The following ARL14EPL variants were observed in gnomAD, a reference collection of about 807,000 sequenced individuals.
ARL14EPL encodes ARL14 effector protein-like.
Under a neutral mutation model 15.9 loss-of-function variants are expected in ARL14EPL, and 17 were observed. That is an observed-to-expected ratio of 1.07 (90% confidence interval 0.73 to 1.60). The LOEUF is 1.60. Among genes scored for constraint, ARL14EPL ranks in the 40% most tolerant of loss-of-function variants. The pLI, the probability that ARL14EPL is intolerant of heterozygous loss-of-function variation, is 0.00. For missense variants in ARL14EPL, 214 were observed against 185.9 expected (o/e 1.15, Z -0.88); for synonymous variants, 78 against 63.8 (o/e 1.22, Z -1.06).
intron 1 of ARL14EPL, among the ~76,000 whole-genome samples, chr5:116,046,031 G>T (rs534857714): frequency 6.6e-6 from 1 of 152,102 alleles, no homozygotes; most frequent in African/African-American, 2.4e-5. Flanking sequence ...CTGCACAGGC[G>T]TCCTTTCTCT....
chr5:116,043,734 TA>T (rs1217791192), intron 1 of ARL14EPL, among the ~76,000 whole-genome samples: 1 of 152,176 alleles, frequency 6.6e-6, no homozygotes, highest in Non-Finnish European at 1.5e-5. Context: ...ACTTTAATTT[TA>T]AAAAAACCTC....
intron 1 of ARL14EPL, among the ~76,000 whole-genome samples, chr5:116,036,108 A>G (rs1267342862): frequency 6.6e-6 from 1 of 152,198 alleles, no homozygotes; most frequent in Non-Finnish European, 1.5e-5. Flanking sequence ...ACAATGGCTT[A>G]CTCACCAACT....
intron 3 of ARL14EPL, among the ~76,000 whole-genome samples, chr5:116,058,333 T>C (rs148652364): frequency 1.3e-5 from 2 of 152,328 alleles, no homozygotes; most frequent in African/African-American, 4.8e-5. Flanking sequence ...GAAAAATCTA[T>C]CAAGAATGGT....
At chr5:116,040,979 CAA>C (rs56060606) in intron 1 of ARL14EPL, among the ~76,000 whole-genome samples, 1 of 66,182 alleles carries the variant, frequency 1.5e-5, no homozygotes, top group Non-Finnish European at 2.8e-5. Context: ...GATTCCCTCT[CAA>C]AAAAAAAAAA....
At chr5:116,046,448 TGAGTCATTTTGCCTG>T (rs575308561) in intron 1 of ARL14EPL, among the ~76,000 whole-genome samples, 97 of 152,316 alleles carry the variant, frequency 6.4e-4, no homozygotes, top group African/African-American at 2.3e-3. Flanking sequence ...GATAAACGTA[TGAGTCATTTTGCCTG>T]GAGTGTCGCT....
chr5:116,052,406 A>G lies in ARL14EPL; in HGVS notation c.96+845A>G, dbSNP rs17138730. 6,033 of 660,652 alleles carry G rather than the reference A, an allele frequency of 9.1e-3. 169 individuals are homozygous for G. The highest frequency in any genetic ancestry group is 0.074 in the African/African-American group (4,082 of 55,194). The allele number at this position is 660,652 out of a possible 1,614,324, so 40.9% of individuals were successfully genotyped here. On this transcript the variant is annotated intron_variant, in intron 2 of 3. Coordinates refer to ENST00000686077, the MANE Select transcript of ARL14EPL (RefSeq NM_001195581.2). ...TATTATTATGTCACGTTATGGCTCT[A>G]AAACTGTATGTATTAACTCATCTAA... is the stretch of plus-strand genomic sequence containing the variant.
chr5:116,052,127 G>A (rs1749396616), intron 2 of ARL14EPL: 8 of 1,611,960 alleles, frequency 5.0e-6, no homozygotes, highest in African/African-American at 1.3e-5. Flanking sequence ...TTTGTCATAG[G>A]TAGCTTTGTC....
intron 1 of ARL14EPL, among the ~76,000 whole-genome samples, chr5:116,043,034 A>G (rs1343792115): frequency 6.6e-6 from 1 of 151,372 alleles, no homozygotes; most frequent in Non-Finnish European, 1.5e-5. Context: ...TTTTTCAACC[A>G]CTCTCCTGTG....
intron 3 of ARL14EPL, among the ~76,000 whole-genome samples, chr5:116,055,473 T>C (rs574797184): frequency 4.7e-4 from 71 of 152,208 alleles, no homozygotes; most frequent in African/African-American, 1.6e-3. Context: ...GGAATACATA[T>C]AGAAGTGAAA....
At chr5:116,054,533 T>C (rs985494391) in intron 3 of ARL14EPL, among the ~76,000 whole-genome samples, 3 of 152,112 alleles carry the variant, frequency 2.0e-5, no homozygotes, top group Admixed American at 1.3e-4. Context: ...GCATCGTAAG[T>C]ATAAACTAAG....
chr5:116,052,049 C>T (rs111565709), intron 2 of ARL14EPL: 18,922 of 1,612,622 alleles, frequency 0.012, 140 homozygotes, highest in Non-Finnish European at 0.014. Context: ...CAGGGAGCCT[C>T]GAATCTTCAG....
chr5:116,040,321 T>G (rs1266552348), intron 1 of ARL14EPL, among the ~76,000 whole-genome samples: 3 of 151,702 alleles, frequency 2.0e-5, no homozygotes, highest in African/African-American at 7.3e-5. Flanking sequence ...ATAATAGAAA[T>G]TATAGAATTT....
chr5:116,049,490 C>A (rs1326765181), intron 1 of ARL14EPL, among the ~76,000 whole-genome samples: 4 of 152,062 alleles, frequency 2.6e-5, no homozygotes, highest in African/African-American at 7.2e-5. Context: ...ATTATTTTTT[C>A]TTTCCAACTT....
At chr5:116,050,027 G>T (rs952893941) in intron 1 of ARL14EPL, among the ~76,000 whole-genome samples, 5 of 152,122 alleles carry the variant, frequency 3.3e-5, no homozygotes, top group African/African-American at 1.2e-4. Flanking sequence ...ATCTGCTTAT[G>T]AATTCTATTT....
At chr5:116,047,934 A>G (rs1316376239) in intron 1 of ARL14EPL, among the ~76,000 whole-genome samples, 1 of 152,192 alleles carries the variant, frequency 6.6e-6, no homozygotes, top group Non-Finnish European at 1.5e-5. Context: ...GGCAGAAGAC[A>G]GAGAGAAAGT....
Position 116,054,074 on chromosome 5 carries a change from G to A in ARL14EPL, c.157G>A (p.Asp53Asn), listed in dbSNP as rs1268754002. ...AFRNPGPQVA[D>N]FNPETRQQKK... The stretch of plus-strand genomic sequence containing the variant: ...TCGAAACCCTGGACCACAGGTAGCA[G>A]ACTTTAATCCTGAAACAAGGCAGCA... Residue 53 changes from aspartate (D) to asparagine (N), a missense_variant, in exon 3 of 4, where the codon GAC becomes AAC. Physicochemically the swap from Asp to Asn is conservative, Grantham distance 23. Transcript: ENST00000686077. 13 of 1,535,798 alleles carry A rather than the reference G, an allele frequency of 8.5e-6. No individual in the cohort carries two copies. Among genetic ancestry groups the A allele is most frequent in the Non-Finnish European group, 1.0e-5 (12 of 1,146,734 alleles).
At chr5:116,043,975 T>C (rs1580412750) in intron 1 of ARL14EPL, among the ~76,000 whole-genome samples, 1 of 152,188 alleles carries the variant, frequency 6.6e-6, no homozygotes, top group Non-Finnish European at 1.5e-5. Context: ...TGTGGAAAAG[T>C]CTGGTAGGAT....
intron 3 of ARL14EPL, among the ~76,000 whole-genome samples, chr5:116,056,724 T>C (rs112310865): frequency 7.4e-4 from 112 of 152,372 alleles, no homozygotes; most frequent in African/African-American, 2.6e-3. Flanking sequence ...TTCTTGCCCA[T>C]GCCTATATCC....
At chr5:116,040,684 A>G (rs1368896045) in intron 1 of ARL14EPL, among the ~76,000 whole-genome samples, 3 of 151,250 alleles carry the variant, frequency 2.0e-5, no homozygotes, top group Non-Finnish European at 2.9e-5. Context: ...CACTTATACC[A>G]CTCTCTGTTT....
Sources: allele counts gnomAD v4.1 joint callset (sites outside exome capture counted in the v4.1 genomes callset), GRCh38; gene constraint gnomAD v4.1.1; transcripts MANE v1.5; gene names NCBI Gene and HGNC (gene_info 2026-07-23, HGNC 2026-07-21).